Variants in DGKI observed in about 807,000 individuals in gnomAD.
DGKI encodes DAG kinase iota.
In DGKI, 55 loss-of-function variants were observed where a neutral mutation model predicts 147.5. The observed-to-expected ratio is 0.37, with a 90% CI of 0.30 to 0.47. DGKI has a LOEUF of 0.47. Among genes scored for constraint, DGKI ranks in the 20% least tolerant of loss-of-function variants. The probability of loss-of-function intolerance (pLI) is 1.00; values close to 1 mark genes in which losing one functional copy is unlikely to be tolerated. For synonymous variants in DGKI, 469 were observed against 477.1 expected (o/e 0.98, Z 0.22); for missense variants, 1,007 against 1,323.8 (o/e 0.76, Z 3.71).
At chr7:137,710,171 C>T (rs563424140) in intron 1 of DGKI, among the ~76,000 whole-genome samples, 1 of 152,052 alleles carries the variant, frequency 6.6e-6, no homozygotes, top group Non-Finnish European at 1.5e-5. Context: ...GTGTTCATAC[C>T]ATGGAAGACT....
intron 28 of DGKI, among the ~76,000 whole-genome samples, chr7:137,438,063 C>T (rs1469704317): frequency 1.3e-5 from 2 of 151,924 alleles, no homozygotes; most frequent in African/African-American, 4.8e-5. Flanking sequence ...ATAGAGAAAA[C>T]ATTAATGATT....
At chr7:137,595,380 C>G (rs1377380295) in intron 12 of DGKI, among the ~76,000 whole-genome samples, 1 of 152,214 alleles carries the variant, frequency 6.6e-6, no homozygotes, top group Non-Finnish European at 1.5e-5. Context: ...ATTGAAACTG[C>G]TTTCTTGAAA....
At chr7:137,626,338 C>T (rs1002744118) in intron 6 of DGKI, among the ~76,000 whole-genome samples, 3 of 143,526 alleles carry the variant, frequency 2.1e-5, no homozygotes, top group Non-Finnish European at 4.4e-5. Context: ...CACACACACA[C>T]ACACACACAC....
chr7:137,584,240 G>A (rs2128982460), intron 14 of DGKI, among the ~76,000 whole-genome samples: 1 of 152,148 alleles, frequency 6.6e-6, no homozygotes, highest in South Asian at 2.1e-4. Context: ...CTGGTGACTG[G>A]GCCTTGTAAT....
chr7:137,393,156 G>A lies in DGKI; in HGVS notation c.3058-1820C>T, dbSNP rs576572539. Among the ~76,000 whole-genome samples the A allele has an allele frequency of 5.3e-5, 8 of 151,972 alleles. No individual in the cohort carries two copies. The South Asian group carries it at 1.5e-3, about 28-fold the overall frequency. On this transcript the variant is annotated intron_variant, in intron 32 of 32. Transcript: ENST00000614521. ...GGTTTCCAGCAATTTTTTGCTTTTTGGAGCATATCTTCCTACATTACTAGT... is the reference window on the plus strand; with the variant it reads ...GGTTTCCAGCAATTTTTTGCTTTTTAGAGCATATCTTCCTACATTACTAGT...
chr7:137,544,621 G>A (rs1387245114), intron 20 of DGKI, among the ~76,000 whole-genome samples: 1 of 152,118 alleles, frequency 6.6e-6, no homozygotes, highest in East Asian at 1.9e-4. Context: ...GAATTGCTTT[G>A]TCATACATAT....
intron 1 of DGKI, among the ~76,000 whole-genome samples, chr7:137,792,839 T>C (rs1796897539): frequency 1.3e-5 from 2 of 152,248 alleles, no homozygotes; most frequent in African/African-American, 4.8e-5. Context: ...AAAAGCTCCC[T>C]GAGGGCCTCA....
At chr7:137,536,747 G>C (rs1401545735) in intron 20 of DGKI, among the ~76,000 whole-genome samples, 2 of 152,124 alleles carry the variant, frequency 1.3e-5, no homozygotes, top group Non-Finnish European at 2.9e-5. Flanking sequence ...GTTACCATAA[G>C]GAAAGAGGGG....
intron 19 of DGKI, among the ~76,000 whole-genome samples, chr7:137,558,142 G>A (rs1372836266): frequency 6.6e-6 from 1 of 152,106 alleles, no homozygotes; most frequent in African/African-American, 2.4e-5. Flanking sequence ...ATTTGCAGTG[G>A]CACCAATATC....
At chr7:137,494,936 T>C (rs1487005568) in intron 21 of DGKI, among the ~76,000 whole-genome samples, 1 of 152,044 alleles carries the variant, frequency 6.6e-6, no homozygotes, top group Admixed American at 6.6e-5. Context: ...CCAGGTCACA[T>C]GCGATGACAC....
intron 12 of DGKI, among the ~76,000 whole-genome samples, chr7:137,596,601 T>C (rs1819806825): frequency 6.6e-6 from 1 of 152,198 alleles, no homozygotes; most frequent in Non-Finnish European, 1.5e-5. Flanking sequence ...AAAAGTTAAA[T>C]AGGTTTGGCT....
intron 1 of DGKI, among the ~76,000 whole-genome samples, chr7:137,788,339 G>A (rs972179718): frequency 1.3e-5 from 2 of 151,940 alleles, no homozygotes; most frequent in South Asian, 2.1e-4. Context: ...ATTTTTACAA[G>A]TCTCCATATC....
intron 20 of DGKI, among the ~76,000 whole-genome samples, chr7:137,528,247 T>C (rs111757208): frequency 6.6e-6 from 1 of 152,302 alleles, no homozygotes; most frequent in Non-Finnish European, 1.5e-5. Context: ...CCATGTTGAA[T>C]TATGTTCCCA....
intron 1 of DGKI, among the ~76,000 whole-genome samples, chr7:137,836,864 CCTCT>C (rs1798398720): frequency 6.6e-6 from 1 of 152,144 alleles, no homozygotes; most frequent in African/African-American, 2.4e-5. Flanking sequence ...TTTGTCAAGG[CCTCT>C]CTCTATGTCT....
At chr7:137,640,884 A>G (rs1821600832) in intron 6 of DGKI, among the ~76,000 whole-genome samples, 1 of 152,232 alleles carries the variant, frequency 6.6e-6, no homozygotes, top group Admixed American at 6.5e-5. Flanking sequence ...TATTTAAACA[A>G]TATATGAAAA....
At chr7:137,770,826 C>A (rs1467737007) in intron 1 of DGKI, among the ~76,000 whole-genome samples, 1 of 48,684 alleles carries the variant, frequency 2.1e-5, no homozygotes, top group Non-Finnish European at 3.4e-5. Flanking sequence ...AGCCACCGCG[C>A]CCGGCCCTCA....
At chr7:137,526,537 T>C (rs897664461) in intron 20 of DGKI, among the ~76,000 whole-genome samples, 6 of 152,036 alleles carry the variant, frequency 3.9e-5, no homozygotes, top group African/African-American at 9.7e-5. Flanking sequence ...AGAACCATAA[T>C]AAGAGCACTT....
At chr7:137,606,181 A>G (rs1820179024) in intron 10 of DGKI, among the ~76,000 whole-genome samples, 1 of 152,208 alleles carries the variant, frequency 6.6e-6, no homozygotes, top group Admixed American at 6.5e-5. Flanking sequence ...GTTCATCCCA[A>G]TACATTCCTT....
At chr7:137,550,533 C>G (rs1386795863) in intron 20 of DGKI, among the ~76,000 whole-genome samples, 2 of 151,860 alleles carry the variant, frequency 1.3e-5, no homozygotes, top group African/African-American at 4.8e-5. Context: ...CTAAGTGCTA[C>G]AAAAAATGCC....
Sources: gnomAD v4.1 joint callset for allele counts (sites outside exome capture counted in the v4.1 genomes callset) on GRCh38, gnomAD v4.1.1 for gene constraint, MANE v1.5 for transcripts, NCBI Gene and HGNC (gene_info 2026-07-23, HGNC 2026-07-21) for gene names.